The following CRYBB1 variants were observed in gnomAD, a reference collection of about 807,000 sequenced individuals.
The protein encoded by CRYBB1 is crystallin beta B1.
Under a neutral mutation model 29.5 loss-of-function variants are expected in CRYBB1, and 16 were observed. The observed-to-expected ratio is 0.54, with a 90% confidence interval of 0.37 to 0.82. The LOEUF is 0.82. CRYBB1 is among the 40% of genes least tolerant of loss of function. CRYBB1 has a pLI of 0.00. For synonymous variants in CRYBB1, 127 were observed against 136.7 expected (o/e 0.93, Z 0.49); for missense variants, 300 against 350.5 (o/e 0.86, Z 1.15).
Position 26,599,437 on chromosome 22 carries a change from A to C in CRYBB1, c.*53T>G, listed in dbSNP as rs1432790014. On this transcript the variant is annotated 3_prime_UTR_variant, in exon 6 of 6. Coordinates refer to ENST00000647684, the MANE Select transcript of CRYBB1 (RefSeq NM_001887.4). Reference sequence around the variant, plus strand: ...TTATTTGCCTGGGAAAAATGGGGGAAATAATTGAACATGAAGAAGGGTTGG... The same window carrying C: ...TTATTTGCCTGGGAAAAATGGGGGACATAATTGAACATGAAGAAGGGTTGG... 1.3e-6 allele frequency: 2 copies of C among 1,544,598 alleles called. No individual in the cohort carries two copies. The highest frequency in any genetic ancestry group is 1.8e-6 in the Non-Finnish European group (2 of 1,135,158).
rs55886047 is a variant in CRYBB1, at chr22:26,602,762, CT to C, written c.433-742del. On this transcript the variant is annotated intron_variant, in intron 4 of 5. Coordinates refer to ENST00000647684, the MANE Select transcript of CRYBB1 (RefSeq NM_001887.4). ...GCCATCAGGAGTTTAACCAATTGCC[CT>C]TTTGTAAATGCTTCTTACAAACCAG... Among the ~76,000 whole-genome samples the C allele has an allele frequency of 7.0e-3, 1,062 of 152,220 alleles. 11 individuals are homozygous for C. Among genetic ancestry groups the C allele is most frequent in the Non-Finnish European group, 0.011 (777 of 68,002 alleles).
chr22:26,616,305 T>C lies in CRYBB1; in HGVS notation c.15A>G (p.Ala5=). The change falls in exon 2 of 6, where the codon GCA becomes GCG. Residue 5 remains alanine, a synonymous_variant. Coordinates refer to ENST00000647684, the MANE Select transcript of CRYBB1 (RefSeq NM_001887.4). ...CCACTGTGGCCGAGGCCGAGGCCTTTGCAGCCTGAGACATGGTTCCCGCCT... is the reference window on the plus strand; with the variant it reads ...CCACTGTGGCCGAGGCCGAGGCCTTCGCAGCCTGAGACATGGTTCCCGCCT... MSQA[A]KASASATVAV... 1 of 1,613,876 alleles carries C rather than the reference T, an allele frequency of 6.2e-7. No homozygotes were observed. Among genetic ancestry groups the C allele is most frequent in the Non-Finnish European group, 8.5e-7 (1 of 1,179,976 alleles).
intron 1 of CRYBB1, among the ~76,000 whole-genome samples, chr22:26,617,282 C>T (rs1043185584): frequency 3.9e-5 from 6 of 152,104 alleles, no homozygotes; most frequent in East Asian, 1.9e-4. Flanking sequence ...ACTTTGTCCC[C>T]GGACAAAAAT....
intron 2 of CRYBB1, among the ~76,000 whole-genome samples, chr22:26,614,456 C>T (rs377078457): frequency 4.6e-5 from 7 of 152,138 alleles, no homozygotes; most frequent in Admixed American, 1.3e-4. Flanking sequence ...GCAGGTTCCC[C>T]GATACCAGGA....
chr22:26,604,332 A>G (rs1234404565), intron 4 of CRYBB1, among the ~76,000 whole-genome samples: 1 of 152,240 alleles, frequency 6.6e-6, no homozygotes, highest in African/African-American at 2.4e-5. Context: ...TGTAAAAGGC[A>G]GGTAATATAC....
intron 3 of CRYBB1, among the ~76,000 whole-genome samples, chr22:26,609,475 T>C (rs117187004): frequency 6.6e-6 from 1 of 151,996 alleles, no homozygotes; most frequent in African/African-American, 2.4e-5. Flanking sequence ...GATGAATGGA[T>C]GCATGGATAA....
At chr22:26,614,999 C>A (rs964288331) in intron 2 of CRYBB1, among the ~76,000 whole-genome samples, 6 of 152,028 alleles carry the variant, frequency 3.9e-5, no homozygotes, top group Non-Finnish European at 8.8e-5. Context: ...AAGGGAGACA[C>A]CTTAGAGTTA....
intron 3 of CRYBB1, among the ~76,000 whole-genome samples, chr22:26,610,725 AG>A (rs2145967224): frequency 6.6e-6 from 1 of 152,304 alleles, no homozygotes; most frequent in Non-Finnish European, 1.5e-5. Context: ...ACAAGGTAAC[AG>A]GCCCATGCTG....
chr22:26,617,178 G>A (rs1471971214), intron 1 of CRYBB1, among the ~76,000 whole-genome samples: 7 of 152,134 alleles, frequency 4.6e-5, no homozygotes, highest in African/African-American at 1.4e-4. Flanking sequence ...ACTGGGGCTG[G>A]GTAGGCTTTG....
Position 26,607,964 on chromosome 22 carries a change from G to C in CRYBB1, c.357C>G (p.Gly119=). ...ACCATGTGTTCCAGCGAGGGTACTC[G>C]CCCTTCTCCAGGATGAACATCTCCC... is the stretch of plus-strand genomic sequence containing the variant. ...FRGEMFILEK[G]EYPRWNTWSS... Residue 119 remains glycine (G), a synonymous_variant, in exon 4 of 6, where the codon GGC becomes GGG. Coordinates refer to ENST00000647684, the MANE Select transcript of CRYBB1 (RefSeq NM_001887.4). The C allele has an allele frequency of 6.2e-7, 1 of 1,614,166 alleles. No homozygotes were observed. Among genetic ancestry groups the C allele is most frequent in the Non-Finnish European group, 8.5e-7 (1 of 1,180,032 alleles).
At chr22:26,607,291 G>A (rs1929007845) in intron 4 of CRYBB1, among the ~76,000 whole-genome samples, 1 of 151,954 alleles carries the variant, frequency 6.6e-6, no homozygotes, top group Admixed American at 6.6e-5. Context: ...CAAAGTGCTG[G>A]GATTACAGGC....
chr22:26,608,632 C>T (rs1263830752), intron 3 of CRYBB1, among the ~76,000 whole-genome samples: 1 of 151,966 alleles, frequency 6.6e-6, no homozygotes, highest in Admixed American at 6.6e-5. Context: ...AAAGTGGTGT[C>T]AGGGTTCTTT....
intron 4 of CRYBB1, among the ~76,000 whole-genome samples, chr22:26,606,420 T>C (rs909151857): frequency 6.6e-6 from 1 of 152,246 alleles, no homozygotes; most frequent in Non-Finnish European, 1.5e-5. Flanking sequence ...TTTACACTTA[T>C]GACACATCTC....
At chr22:26,616,929 C>A (rs767269928) in intron 1 of CRYBB1, among the ~76,000 whole-genome samples, 3 of 152,200 alleles carry the variant, frequency 2.0e-5, no homozygotes, top group Non-Finnish European at 4.4e-5. Context: ...AGTATTCTGC[C>A]ATTTGCTTAA....
intron 4 of CRYBB1, among the ~76,000 whole-genome samples, chr22:26,605,755 T>A (rs1045244995): frequency 4.6e-5 from 7 of 151,638 alleles, no homozygotes; most frequent in South Asian, 4.2e-4. Context: ...AGGTTTATTT[T>A]TTTTTTTTAT....
chr22:26,601,973 C>G lies in CRYBB1; in HGVS notation c.481G>C (p.Gly161Arg), dbSNP rs749567385. ...TCCCCCTGGATCTCTATGGTGTTGCCCTTGAAGTTGGCCCCTTCAAACAGG... is the reference window on the plus strand; with the variant it reads ...TCCCCCTGGATCTCTATGGTGTTGCGCTTGAAGTTGGCCCCTTCAAACAGG... ...ISLFEGANFKGNTIEIQGDDA... is the reference protein window; with the variant it reads ...ISLFEGANFKRNTIEIQGDDA... Residue 161 changes from glycine to arginine, a missense_variant, in exon 5 of 6, where the codon GGC (glycine) becomes CGC (arginine). Physicochemically the swap from Gly to Arg is moderately radical, Grantham distance 125. Transcript: ENST00000647684. 2.0e-5 allele frequency: 32 copies of G among 1,613,582 alleles called. No individual in the cohort carries two copies. The highest frequency in any genetic ancestry group is 2.6e-5 in the Non-Finnish European group (31 of 1,179,914).
intron 2 of CRYBB1, among the ~76,000 whole-genome samples, chr22:26,612,927 AT>A (rs1929225224): frequency 6.6e-6 from 1 of 151,980 alleles, no homozygotes; most frequent in South Asian, 2.1e-4. Flanking sequence ...TCCTCTCCCC[AT>A]TAGCAGCACA....
Position 26,602,027 on chromosome 22 carries a change from G to A in CRYBB1, c.433-6C>T. ...ATTTTGTGCTCCTGGGCATCCTGGG[G>A]AAAGAGAGGCCGGGTCAGGTGTGTG... On this transcript the variant is annotated splice_polypyrimidine_tract_variant and splice_region_variant and intron_variant, in intron 4 of 5. Transcript: ENST00000647684. 6.2e-7 allele frequency: 1 copy of A among 1,613,544 alleles called. No individual in the cohort carries two copies. The highest frequency in any genetic ancestry group is 1.1e-5 in the South Asian group (1 of 91,066).
At position 26,599,487 on chromosome 22, in the gene CRYBB1, G is replaced by A. The variant is rs759100761; in HGVS notation, c.*3C>T. ...GGGCAAGGTAGCAGAGTGAGGTGTG[G>A]ACTCACTTGGGGGGCTCTGTGGCCA... On this transcript the variant is annotated 3_prime_UTR_variant, in exon 6 of 6. Transcript: ENST00000647684. The A allele has an allele frequency of 1.5e-5, 24 of 1,608,842 alleles. No homozygotes were observed. In the South Asian group the frequency reaches 2.6e-4, roughly 18 times the overall value.
Sources: allele counts gnomAD v4.1 joint callset (sites outside exome capture counted in the v4.1 genomes callset), GRCh38; gene constraint gnomAD v4.1.1; transcripts MANE v1.5; gene names NCBI Gene and HGNC (gene_info 2026-07-23, HGNC 2026-07-21).